The following VWA2 variants were observed in gnomAD, a reference collection of about 807,000 sequenced individuals.
The protein encoded by VWA2 is von Willebrand factor A domain-containing protein 2.
Under a neutral mutation model 70.4 loss-of-function variants are expected in VWA2, and 73 were observed. The ratio of observed to expected loss-of-function variants is 1.04; its 90% CI spans 0.86 to 1.26. VWA2 has a LOEUF of 1.26. VWA2 is among the 50% of genes most tolerant of loss of function. The probability of loss-of-function intolerance (pLI) is 0.00; values close to 1 mark genes in which losing one functional copy is unlikely to be tolerated. For synonymous variants in VWA2, 407 were observed against 423.3 expected, an observed-to-expected ratio of 0.96 and a Z score of 0.47; for missense variants, 1,011 against 998.5, an observed-to-expected ratio of 1.01 and a Z score of -0.17.
chr10:114,275,913 G>T (rs1300193508), intron 6 of VWA2, among the ~76,000 whole-genome samples: 1 of 152,162 alleles, frequency 6.6e-6, no homozygotes, highest in Non-Finnish European at 1.5e-5. Context: ...GGGTGACAGA[G>T]GGTGACTCCG....
intron 2 of VWA2, among the ~76,000 whole-genome samples, chr10:114,249,503 G>A (rs1234095390): frequency 3.3e-5 from 5 of 152,124 alleles, no homozygotes; most frequent in South Asian, 2.1e-4. Flanking sequence ...TGATCTGACC[G>A]TCTTGGCCTC....
Position 114,289,284 on chromosome 10 carries a change from C to T in VWA2, c.1917C>T (p.Leu639=), listed in dbSNP as rs1352186868. ...GTGTCCCCAAAGCTGTGGTGGTGCT[C>T]ACAGGCGGGAGAGGCGCAGAGGATG... ...RPGVPKAVVV[L]TGGRGAEDAA... Residue 639 remains leucine (L), a synonymous_variant, in exon 12 of 14, where the codon CTC becomes CTT. Coordinates refer to ENST00000392982, the MANE Select transcript of VWA2 (RefSeq NM_001272046.2). 3 of 1,613,944 alleles carry T rather than the reference C, an allele frequency of 1.9e-6. No homozygotes were observed. Among genetic ancestry groups the T allele is most frequent in the East Asian group, 2.2e-5 (1 of 44,890 alleles).
rs902880698 is a variant in VWA2 at position 114,246,182 on chromosome 10, G to T, written c.-10-2522G>T. ...TGGGAAGCCTCCTTTTGAGGCAAAC[G>T]TACACCAAGAGACCTACAAAAGAAT... On this transcript the variant is annotated intron_variant, in intron 1 of 13. Coordinates refer to ENST00000392982, the MANE Select transcript of VWA2 (RefSeq NM_001272046.2). 6.8e-6 allele frequency: 8 copies of T among 1,180,250 alleles called. No homozygotes were observed. In the African/African-American group the frequency reaches 1.1e-4, roughly 16 times the overall value. The allele number at this position is 1,180,250 out of a possible 1,614,324, so 73.1% of individuals were successfully genotyped here.
Position 114,264,579 on chromosome 10 carries a change from G to A in VWA2, c.371+3284G>A, listed in dbSNP as rs1042649232. Among the ~76,000 whole-genome samples, 11 of 152,016 alleles carry A rather than the reference G, an allele frequency of 7.2e-5. No homozygotes were observed. In the South Asian group the frequency reaches 8.3e-4, roughly 12 times the overall value. ...ACTGTGGGTGCCCGCCACCACGCCC[G>A]GCTAATTTTTTTTGTATTTTTAGTA... is the stretch of plus-strand genomic sequence containing the variant. On this transcript the variant is annotated intron_variant, in intron 5 of 13. Coordinates refer to ENST00000392982, the MANE Select transcript of VWA2 (RefSeq NM_001272046.2).
chr10:114,290,120 G>A (rs1039833641), intron 12 of VWA2, 120 bp from the exon 13 acceptor site: 41 of 1,366,036 alleles, frequency 3.0e-5, no homozygotes, highest in South Asian at 1.9e-4. Context: ...ATGAGCTACC[G>A]GGGCAAAGGG....
Position 114,290,249 on chromosome 10 carries a change from A to G in VWA2, c.2132A>G (p.Gln711Arg), listed in dbSNP as rs11196686. 127,661 of 1,550,356 alleles carry G rather than the reference A, an allele frequency of 0.082. 6,810 individuals carry two copies. The highest frequency in any genetic ancestry group is 0.28 in the East Asian group (11,599 of 40,856). The part of the protein sequence containing the change: ...LIEWLCGEAK[Q>R]PVNLCKPSPC... ...GTGTTCTCCATTGTAGAAGCCAAGC[A>G]GCCAGTCAACCTCTGCAAACCCAGC... Residue 711 changes from glutamine to arginine, a missense_variant, in exon 13 of 14, where the codon CAG becomes CGG. Gln to Arg is a conservative substitution (Grantham distance 43). Transcript: ENST00000392982.
intron 6 of VWA2, among the ~76,000 whole-genome samples, chr10:114,275,585 G>GT (rs1334727888): frequency 5.9e-5 from 9 of 151,618 alleles, no homozygotes; most frequent in South Asian, 2.1e-4. Context: ...TTGTTTTTTT[G>GT]GTTTTTTTTC....
In VWA2 at chr10:114,286,239, G is replaced by C; in HGVS notation, c.1298G>C (p.Gly433Ala). The stretch of plus-strand genomic sequence containing the variant: ...GCCTTGCGGCAGGCGGCAGAGCGTG[G>C]CTTCGGGAGCGCCACCAGGACAGGC... Reference protein sequence around the residue: ...GSALRQAAERGFGSATRTGQD... With the variant: ...GSALRQAAERAFGSATRTGQD... The change falls in exon 11 of 14, where the codon GGC (glycine) becomes GCC (alanine). Residue 433 changes from glycine (G) to alanine (A), a missense_variant. Physicochemically the swap from Gly to Ala is moderately conservative, Grantham distance 60. Coordinates refer to ENST00000392982, the MANE Select transcript of VWA2 (RefSeq NM_001272046.2). 6.2e-7 allele frequency: 1 copy of C among 1,613,116 alleles called. No homozygotes were observed. The highest frequency in any genetic ancestry group is 8.5e-7 in the Non-Finnish European group (1 of 1,179,696).
At chr10:114,273,554 A>G (rs768179458) in intron 6 of VWA2, among the ~76,000 whole-genome samples, 1 of 152,178 alleles carries the variant, frequency 6.6e-6, no homozygotes, top group Non-Finnish European at 1.5e-5. Flanking sequence ...AGGCTTTCCT[A>G]GAAGAGAGGA....
intron 1 of VWA2, among the ~76,000 whole-genome samples, chr10:114,242,903 C>T (rs1478541019): frequency 6.6e-6 from 1 of 152,174 alleles, no homozygotes; most frequent in Non-Finnish European, 1.5e-5. Context: ...ATCTTTACAA[C>T]ACTGGGGGAG....
At position 114,278,783 on chromosome 10, in the gene VWA2, C is replaced by T. The variant is rs1260463225; in HGVS notation, c.765C>T (p.Gly255=). The T allele has an allele frequency of 1.2e-6, 2 of 1,613,840 alleles. No homozygotes were observed. The highest frequency in any genetic ancestry group is 1.3e-5 in the African/African-American group (1 of 75,042). ...RTLEMVREFA[G]NAPCWRGSRR... is the part of the protein sequence containing the mutation. ...TGGAGATGGTCCGGGAGTTCGCTGG[C>T]AATGCCCCATGCTGGAGAGGATCGC... Residue 255 remains glycine, a synonymous_variant, in exon 8 of 14, where the codon GGC becomes GGT. Transcript: ENST00000392982.
At chr10:114,289,533 G>GC in intron 12 of VWA2, 44 bp downstream of exon 12, 4 of 1,603,352 alleles carry the variant, frequency 2.5e-6, no homozygotes, top group Non-Finnish European at 3.4e-6. Context: ...CCCATGGCAG[G>GC]CCCTCAGCCT....
chr10:114,271,983 G>A (rs1422770287), intron 5 of VWA2, among the ~76,000 whole-genome samples: 2 of 152,188 alleles, frequency 1.3e-5, no homozygotes, highest in Admixed American at 1.3e-4. Flanking sequence ...ATTATTTTCT[G>A]TCCAGCTGAC....
At chr10:114,241,914 C>T (rs1241912365) in intron 1 of VWA2, among the ~76,000 whole-genome samples, 1 of 121,770 alleles carries the variant, frequency 8.2e-6, no homozygotes, top group Non-Finnish European at 1.6e-5. Context: ...TCCCTATCAT[C>T]AAGGAGGCTA....
intron 1 of VWA2, chr10:114,246,206 A>G: frequency 2.7e-6 from 3 of 1,113,138 alleles, no homozygotes; most frequent in South Asian, 2.5e-5. Context: ...CTACAAAAGA[A>G]TATCACGGGT....
At position 114,252,628 on chromosome 10, in the gene VWA2, C is replaced by G. The variant is rs1031592749; in HGVS notation, c.53-1023C>G. ...GGTGCCCTGTACTGTGTGATTCCTC[C>G]TGGCCTCCCTGCTGAATCTCCTTCA... is the stretch of plus-strand genomic sequence containing the variant. On this transcript the variant is annotated intron_variant, in intron 2 of 13. Coordinates refer to ENST00000392982, the MANE Select transcript of VWA2 (RefSeq NM_001272046.2). 2.0e-5 allele frequency among the ~76,000 whole-genome samples: 3 copies of G among 152,110 alleles called. No individual in the cohort carries two copies. The South Asian group carries it at 6.2e-4, about 31-fold the overall frequency.
At chr10:114,280,485 A>AG (rs1213753411) in intron 8 of VWA2, among the ~76,000 whole-genome samples, 2 of 151,866 alleles carry the variant, frequency 1.3e-5, no homozygotes, top group Non-Finnish European at 2.9e-5. Context: ...GTGGCCAGGG[A>AG]GGGCCTTGCA....
intron 8 of VWA2, among the ~76,000 whole-genome samples, chr10:114,280,425 A>G (rs74157578): frequency 0.083 from 12,634 of 151,454 alleles, 1,523 homozygotes; most frequent in African/African-American, 0.26. Flanking sequence ...CAAGATGGGG[A>G]TGCGGTGGGG....
In VWA2 at chr10:114,240,792, T is replaced by TA. The variant is rs1424133408; in HGVS notation, c.-11+1224dup. ...TGGGGGTTCAGAGCTCCTCAGGCCTTACTCTTCTTTTGTAAAATCCAGCCC... is the reference window on the plus strand; with the variant it reads ...TGGGGGTTCAGAGCTCCTCAGGCCTTAACTCTTCTTTTGTAAAATCCAGCCC... On this transcript the variant is annotated intron_variant, in intron 1 of 13. Transcript: ENST00000392982. Among the ~76,000 whole-genome samples, 8 of 152,318 alleles carry TA rather than the reference T, an allele frequency of 5.3e-5. No homozygotes were observed. In the East Asian group the frequency reaches 1.2e-3, roughly 22 times the overall value.
Sources: gnomAD v4.1 joint callset for allele counts (sites outside exome capture counted in the v4.1 genomes callset) on GRCh38, gnomAD v4.1.1 for gene constraint, MANE v1.5 for transcripts, NCBI Gene and HGNC (gene_info 2026-07-23, HGNC 2026-07-21) for gene names.